Variants in ESPL1 observed in about 807,000 individuals in gnomAD.
ESPL1 encodes the protein extra spindle pole bodies like 1, separase.
Under a neutral mutation model 217.2 loss-of-function variants are expected in ESPL1, and 50 were observed. The observed-to-expected ratio is 0.23, with a 90% CI of 0.18 to 0.29. The LOEUF is 0.29. Ranked by LOEUF, ESPL1 falls within the 10% of genes least tolerant of loss-of-function variation. ESPL1 has a pLI of 1.00. For missense variants in ESPL1, 1,834 were observed against 2,603.0 expected (o/e 0.70, Z 6.43); for synonymous variants, 994 against 1,081.3 (o/e 0.92, Z 1.58).
In ESPL1 at chr12:53,291,746, C is replaced by T. The variant is rs527909578; in HGVS notation, c.5577C>T (p.Tyr1859=). 25 of 1,613,914 alleles carry T rather than the reference C, an allele frequency of 1.5e-5. No individual in the cohort carries two copies. In the East Asian group the frequency reaches 2.2e-4, roughly 14 times the overall value. The part of the protein sequence containing the change: ...LTPQDIQALA[Y]GLCPTQPERA... Reference sequence around the variant, plus strand: ...CTCAGGACATTCAGGCCCTGGCCTACGGGCTGTGCCCAACCCAGCCAGAGC... The same window carrying T: ...CTCAGGACATTCAGGCCCTGGCCTATGGGCTGTGCCCAACCCAGCCAGAGC... Residue 1859 remains tyrosine (Y), a synonymous_variant, in exon 26 of 31, where the codon TAC becomes TAT. Transcript: ENST00000257934.
At position 53,288,143 on chromosome 12, in the gene ESPL1, G is replaced by A. The variant is rs750981121; in HGVS notation, c.4348G>A (p.Gly1450Ser). Reference sequence around the variant, plus strand: ...CCCAGGTAGTGCCCCTGGGAACCCTGGCCTGAATGGCAGGAGCCGGAGGGC... The same window carrying A: ...CCCAGGTAGTGCCCCTGGGAACCCTAGCCTGAATGGCAGGAGCCGGAGGGC... ...VAPGSAPGNP[G>S]LNGRSRRAKK... Residue 1450 changes from glycine (G) to serine (S), a missense_variant, in exon 19 of 31, where the codon GGC (glycine) becomes AGC (serine). Physicochemically the swap from Gly to Ser is moderately conservative, Grantham distance 56. Coordinates refer to ENST00000257934, the MANE Select transcript of ESPL1 (RefSeq NM_012291.5). The A allele has an allele frequency of 6.2e-7, 1 of 1,613,620 alleles. No individual in the cohort carries two copies. The highest frequency in any genetic ancestry group is 2.2e-5 in the East Asian group (1 of 44,870).
intron 17 of ESPL1, 23 bp downstream of exon 17, chr12:53,284,190 C>G: frequency 7.1e-7 from 1 of 1,409,878 alleles, no homozygotes. Context: ...GTCCCCATGA[C>G]CATAGGCGGT....
intron 11 of ESPL1, 153 bp from the exon 12 acceptor site, chr12:53,279,579 G>C: frequency 1.2e-6 from 1 of 824,992 alleles, no homozygotes; most frequent in Non-Finnish European, 1.9e-6. Context: ...AAAACAGTAG[G>C]GGTGGGGTGA....
Position 53,283,394 on chromosome 12 carries a change from T to C in ESPL1, c.2933T>C (p.Val978Ala). The C allele has an allele frequency of 6.2e-7, 1 of 1,614,128 alleles. No individual in the cohort carries two copies. The highest frequency in any genetic ancestry group is 8.5e-7 in the Non-Finnish European group (1 of 1,180,004). ...TSFLDYGENL[V>A]QKWQVLSEVL... Reference sequence around the variant, plus strand: ...TCTTTTGCTACAGGTGAAAATCTGGTACAAAAATGGCAGGTTCTTTCAGAG... The same window carrying C: ...TCTTTTGCTACAGGTGAAAATCTGGCACAAAAATGGCAGGTTCTTTCAGAG... The change falls in exon 16 of 31, where the codon GTA becomes GCA. Residue 978 changes from valine (V) to alanine (A), a missense_variant. This residue lies in a region of ESPL1 where 107 missense variants were observed against 171.7 expected (regional missense o/e 0.62). Coordinates refer to ENST00000257934, the MANE Select transcript of ESPL1 (RefSeq NM_012291.5).
chr12:53,285,972 T>G lies in ESPL1; in HGVS notation c.3236T>G (p.Leu1079Arg). ...CTGGACTCTGTGAAGAAGGTCCACCTGCAGAAGGGGAAGCAGCAGGCCCAG... is the reference window on the plus strand; with the variant it reads ...CTGGACTCTGTGAAGAAGGTCCACCGGCAGAAGGGGAAGCAGCAGGCCCAG... ...QHLDSVKKVHLQKGKQQAQVP... is the reference protein window; with the variant it reads ...QHLDSVKKVHRQKGKQQAQVP... Residue 1079 changes from leucine to arginine, a missense_variant, in exon 18 of 31, where the codon CTG becomes CGG. Coordinates refer to ENST00000257934, the MANE Select transcript of ESPL1 (RefSeq NM_012291.5). The G allele has an allele frequency of 6.4e-7, 1 of 1,569,814 alleles. No homozygotes were observed. Among genetic ancestry groups the G allele is most frequent in the East Asian group, 2.3e-5 (1 of 44,132 alleles).
intron 3 of ESPL1, 103 bp from the exon 4 acceptor site, chr12:53,270,274 GT>G (rs1771563913): frequency 3.0e-6 from 3 of 995,968 alleles, no homozygotes; most frequent in Admixed American, 1.8e-5. Context: ...GTCCTTCCTC[GT>G]GCTCCCTGGG....
rs199610523 is a variant in ESPL1, at chr12:53,282,246, G to C, written c.2620-18G>C. The C allele has an allele frequency of 1.2e-6, 2 of 1,612,202 alleles. No individual in the cohort carries two copies. The highest frequency in any genetic ancestry group is 3.3e-5 in the Admixed American group (2 of 59,950). The stretch of plus-strand genomic sequence containing the variant: ...CCTGACTGCCTTACTGCCTCCTCTG[G>C]CTCCTTCTCTCCTTCAGGTGACCAA... On this transcript the variant is annotated intron_variant, in intron 13 of 30. Transcript: ENST00000257934. The surrounding 1 kb of genome is among the most constrained non-coding windows in gnomAD (Gnocchi z 4.0).
rs750604719 is a variant in ESPL1, at chr12:53,282,476, A to G, written c.2791+41A>G. The G allele has an allele frequency of 6.3e-7, 1 of 1,578,872 alleles. No homozygotes were observed. ...GGATGGCCCCCCTTGGATGACATGT[A>G]TGGTCTGTCTGCTGTCAGCTCTTCT... On this transcript the variant is annotated intron_variant, in intron 14 of 30. Coordinates refer to ENST00000257934, the MANE Select transcript of ESPL1 (RefSeq NM_012291.5). This position sits in a 1 kb window ranked among gnomAD's most constrained non-coding sequence, Gnocchi z 4.0.
At chr12:53,289,858 A>C (rs1267210756) in intron 22 of ESPL1, 2 of 605,378 alleles carry the variant, frequency 3.3e-6, no homozygotes, top group South Asian at 2.1e-5. Context: ...AAACATATTC[A>C]CATGATTTGA....
intron 16 of ESPL1, 98 bp from the exon 17 acceptor site, chr12:53,283,960 G>A: frequency 1.2e-6 from 1 of 869,060 alleles, no homozygotes; most frequent in South Asian, 1.5e-5. Flanking sequence ...AGGCAGGGAA[G>A]GACTCAGGTA....
chr12:53,274,611 T>G (rs1592480345), intron 6 of ESPL1: 1 of 522,502 alleles, frequency 1.9e-6, no homozygotes, highest in Non-Finnish European at 3.4e-6. Flanking sequence ...AACATAGGGG[T>G]GGAGTGGATT....
intron 17 of ESPL1, among the ~76,000 whole-genome samples, chr12:53,284,421 A>AT (rs1422633564): frequency 6.6e-6 from 1 of 151,496 alleles, no homozygotes; most frequent in Non-Finnish European, 1.5e-5. Context: ...CACCCGGATA[A>AT]TTTTTTTTAT....
chr12:53,270,233 C>A, intron 3 of ESPL1, 145 bp from the exon 4 acceptor site: 1 of 930,508 alleles, frequency 1.1e-6, no homozygotes, highest in Non-Finnish European at 1.7e-6. Flanking sequence ...ACAGCCTAGT[C>A]TATCCTGAGA....
At chr12:53,287,866 T>A (rs1943976702) in intron 18 of ESPL1, 106 bp from the exon 19 acceptor site, 1 of 1,108,918 alleles carries the variant, frequency 9.0e-7, no homozygotes, top group Non-Finnish European at 1.3e-6. Flanking sequence ...TCTTCCAGGG[T>A]CCTGTGTGAT....
chr12:53,292,213 G>A lies in ESPL1; in HGVS notation c.5797-65G>A. 1 of 1,438,816 alleles carries A rather than the reference G, an allele frequency of 7.0e-7. No individual in the cohort carries two copies. The highest frequency in any genetic ancestry group is 9.8e-7 in the Non-Finnish European group (1 of 1,020,756). 89.1% of individuals were successfully genotyped at this position (1,438,816 alleles called of 1,614,324 possible). Reference sequence around the variant, plus strand: ...AATGGCTCAGACATGGAAAGGGGCTGAGATTGTTAGAGCTTGGGCCTCTTG... The same window carrying A: ...AATGGCTCAGACATGGAAAGGGGCTAAGATTGTTAGAGCTTGGGCCTCTTG... On this transcript the variant is annotated intron_variant, in intron 27 of 30. Transcript: ENST00000257934. The surrounding 1 kb of genome is among the most constrained non-coding windows in gnomAD (Gnocchi z 4.5).
chr12:53,270,136 A>G (rs370109437), intron 3 of ESPL1, 51 bp downstream of exon 3: 46 of 1,471,686 alleles, frequency 3.1e-5, no homozygotes, highest in Admixed American at 1.9e-4. Context: ...TGGACTCACT[A>G]CCAGCCTAGG....
Position 53,282,390 on chromosome 12 carries a change from T to G in ESPL1, c.2746T>G (p.Ser916Ala), listed in dbSNP as rs1276784390. 6.2e-7 allele frequency: 1 copy of G among 1,614,028 alleles called. No homozygotes were observed. Among genetic ancestry groups the G allele is most frequent in the African/African-American group, 1.3e-5 (1 of 74,906 alleles). The change falls in exon 14 of 31, where the codon TCA becomes GCA. Residue 916 changes from serine to alanine, a missense_variant. By Grantham distance (99) the Ser-to-Ala change is moderately conservative (BLOSUM62 1). Around this residue, in one of 5 missense-constraint regions of ESPL1, gnomAD observed 107 missense variants for 171.7 expected, o/e 0.62. Transcript: ENST00000257934. This position sits in a 1 kb window ranked among gnomAD's most constrained non-coding sequence, Gnocchi z 4.0. ...GGTGGCAGCTTACCTTAGCCTCCCG[T>G]CAAACAACCTCTCACACTCCCTGTG... ...QLVAAYLSLP[S>A]NNLSHSLWEQ... is the part of the protein sequence containing the mutation.
Position 53,289,282 on chromosome 12 carries a change from C to T in ESPL1, c.4901C>T (p.Thr1634Ile). Residue 1634 changes from threonine to isoleucine, a missense_variant, in exon 21 of 31, where the codon ACC (threonine) becomes ATC (isoleucine). Thr to Ile is a moderately conservative substitution (Grantham distance 89). This residue lies in a region of ESPL1 where 681 missense variants were observed against 808.0 expected (regional missense o/e 0.84). Transcript: ENST00000257934. ...ATCACCTGTCGCCACCAGCTGCTCACCCACCTCCACAGACAGCTCAGGTGG... is the reference window on the plus strand; with the variant it reads ...ATCACCTGTCGCCACCAGCTGCTCATCCACCTCCACAGACAGCTCAGGTGG... ...VSITCRHQLL[T>I]HLHRQLSKAQ... 6.2e-7 allele frequency: 1 copy of T among 1,611,764 alleles called. No individual in the cohort carries two copies. The highest frequency in any genetic ancestry group is 8.5e-7 in the Non-Finnish European group (1 of 1,180,028).
At chr12:53,281,674 A>G in intron 13 of ESPL1, 48 bp downstream of exon 13, 1 of 1,576,990 alleles carries the variant, frequency 6.3e-7, no homozygotes, top group Non-Finnish European at 8.7e-7. Flanking sequence ...ATTAGAAAGA[A>G]TTTAGGATTT....
Sources: gnomAD v4.1 joint callset for allele counts (sites outside exome capture counted in the v4.1 genomes callset) on GRCh38, gnomAD v4.1.1 for gene constraint, gnomAD v4.1.1 regional missense constraint, Gnocchi (gnomAD v3.1) non-coding constraint, MANE v1.5 for transcripts, NCBI Gene and HGNC (gene_info 2026-07-23, HGNC 2026-07-21) for gene names.